Variants in PLXNA4 observed in about 807,000 individuals in gnomAD.
PLXNA4 encodes plexin-A4.
PLXNA4 carries 44 observed loss-of-function variants against 191.8 expected under a neutral mutation model. The observed-to-expected ratio is 0.23, with a 90% CI of 0.18 to 0.29. PLXNA4 has a LOEUF of 0.29. Ranked by LOEUF, PLXNA4 falls within the 10% of genes least tolerant of loss-of-function variation. The pLI is 1.00. For missense variants in PLXNA4, 1,800 were observed against 2,488.8 expected (o/e 0.72, Z 5.89); for synonymous variants, 1,082 against 1,009.5 (o/e 1.07, Z -1.36).
intron 2 of PLXNA4, among the ~76,000 whole-genome samples, chr7:132,591,670 CAT>C (rs2116827160): frequency 6.6e-6 from 1 of 152,248 alleles, no homozygotes; most frequent in South Asian, 2.1e-4. Flanking sequence ...TTCTTAAAAA[CAT>C]AACACATATA....
intron 1 of PLXNA4, among the ~76,000 whole-genome samples, chr7:132,557,819 C>G (rs1189162044): frequency 6.6e-6 from 1 of 152,148 alleles, no homozygotes; most frequent in African/African-American, 2.4e-5. Context: ...CAGGAAGCTA[C>G]TTCCCACTTC....
At chr7:132,480,467 G>A (rs1247409239) in intron 3 of PLXNA4, among the ~76,000 whole-genome samples, 3 of 152,198 alleles carry the variant, frequency 2.0e-5, no homozygotes, top group Non-Finnish European at 2.9e-5. Context: ...GACAGGGACC[G>A]TGGATAACCC....
At chr7:132,545,112 C>T (rs932045959) in intron 1 of PLXNA4, among the ~76,000 whole-genome samples, 5 of 152,184 alleles carry the variant, frequency 3.3e-5, no homozygotes, top group African/African-American at 1.2e-4. Flanking sequence ...TCCTCTCCGG[C>T]TTCAGACCTG....
intron 1 of PLXNA4, among the ~76,000 whole-genome samples, chr7:132,648,048 C>T (rs1585428747): frequency 1.3e-5 from 2 of 152,102 alleles, no homozygotes; most frequent in Admixed American, 6.5e-5. Context: ...CATATATATA[C>T]TCACATATAC....
chr7:132,130,721 G>T, intron 31 of PLXNA4, 147 bp from the exon 32 acceptor site: 1 of 1,187,062 alleles, frequency 8.4e-7, no homozygotes. Context: ...GGGGTAGGAG[G>T]AGACCTGGGG....
rs1186381463 is a variant in PLXNA4, at chr7:132,313,646, G to A, written c.1372-15424C>T. 5.3e-5 allele frequency among the ~76,000 whole-genome samples: 8 copies of A among 152,118 alleles called. No individual in the cohort carries two copies. The South Asian group carries it at 6.2e-4, about 12-fold the overall frequency. ...GAATGTCACTGGTGGGAGTGTGGCC[G>A]ATTGACTGTCTCATTGTTTTGGACA... On this transcript the variant is annotated intron_variant, in intron 3 of 31. Transcript: ENST00000321063.
intron 3 of PLXNA4, among the ~76,000 whole-genome samples, chr7:132,373,373 A>C (rs1804522507): frequency 6.6e-6 from 1 of 152,186 alleles, no homozygotes; most frequent in Non-Finnish European, 1.5e-5. Flanking sequence ...TCCAGGTCTT[A>C]GTGCCTCATG....
chr7:132,414,527 A>G (rs1051517102), intron 3 of PLXNA4, among the ~76,000 whole-genome samples: 1 of 152,054 alleles, frequency 6.6e-6, no homozygotes, highest in African/African-American at 2.4e-5. Flanking sequence ...GGGAGGGGAG[A>G]AAAAAATATC....
At chr7:132,157,216 T>C (rs183688392) in intron 25 of PLXNA4, among the ~76,000 whole-genome samples, 1 of 152,290 alleles carries the variant, frequency 6.6e-6, no homozygotes, top group Non-Finnish European at 1.5e-5. Flanking sequence ...CGGGTAGCCT[T>C]TCTCTGGCTT....
chr7:132,349,810 G>A (rs906493658), intron 3 of PLXNA4, among the ~76,000 whole-genome samples: 1 of 152,008 alleles, frequency 6.6e-6, no homozygotes, highest in Non-Finnish European at 1.5e-5. Context: ...TCCAATTTCT[G>A]TATCTTGCCA....
chr7:132,363,191 G>T (rs564463669), intron 3 of PLXNA4, among the ~76,000 whole-genome samples: 1 of 152,174 alleles, frequency 6.6e-6, no homozygotes, highest in East Asian at 1.9e-4. Flanking sequence ...CATCATGTTG[G>T]CCAGGCTGGT....
At chr7:132,580,886 C>T (rs1258130853), upstream of PLXNA4, among the ~76,000 whole-genome samples, 1 of 152,168 alleles carries the variant, frequency 6.6e-6, no homozygotes, top group Non-Finnish European at 1.5e-5. Context: ...GCTTAAAAAC[C>T]TAAATTGTGG....
At position 132,303,696 on chromosome 7, in the gene PLXNA4, C is replaced by T. The variant is rs80014047; in HGVS notation, c.1372-5474G>A. 5.3e-4 allele frequency among the ~76,000 whole-genome samples: 80 copies of T among 152,300 alleles called. No homozygotes were observed. In the Middle Eastern group the frequency reaches 0.01, roughly 19 times the overall value. ...CAATCCTGTGTGTCCCTTGACGGAG[C>T]GACACATCCCACACCCACCATGTGT... is the stretch of plus-strand genomic sequence containing the variant. On this transcript the variant is annotated intron_variant, in intron 3 of 31. Coordinates refer to ENST00000321063, the MANE Select transcript of PLXNA4 (RefSeq NM_020911.2).
chr7:132,310,906 C>T (rs1018438276), intron 3 of PLXNA4, among the ~76,000 whole-genome samples: 3 of 152,174 alleles, frequency 2.0e-5, no homozygotes, highest in Non-Finnish European at 2.9e-5. Flanking sequence ...GGCAGAGGTG[C>T]AACTTCCCAG....
chr7:132,473,157 G>C (rs1381567722), intron 3 of PLXNA4, among the ~76,000 whole-genome samples: 1 of 152,220 alleles, frequency 6.6e-6, no homozygotes, highest in African/African-American at 2.4e-5. Context: ...CTCTTGCAGT[G>C]AGTCAGTGGC....
chr7:132,219,335 C>G, intron 9 of PLXNA4, among the ~76,000 whole-genome samples: 1 of 152,168 alleles, frequency 6.6e-6, no homozygotes, highest in East Asian at 1.9e-4. Context: ...TAATCGCCAG[C>G]CCCCCTGACC....
intron 3 of PLXNA4, among the ~76,000 whole-genome samples, chr7:132,331,565 G>A (rs1044580753): frequency 1.3e-5 from 2 of 152,226 alleles, no homozygotes; most frequent in African/African-American, 4.8e-5. Context: ...GTGGTTATAG[G>A]GAGTGGTCAG....
chr7:132,487,360 C>T (rs1201222903), intron 3 of PLXNA4, among the ~76,000 whole-genome samples: 1 of 152,184 alleles, frequency 6.6e-6, no homozygotes, highest in Non-Finnish European at 1.5e-5. Context: ...AAGCATCCCC[C>T]ATACTGCTTG....
chr7:132,397,967 A>T (rs561477132), intron 3 of PLXNA4, among the ~76,000 whole-genome samples: 2 of 152,146 alleles, frequency 1.3e-5, no homozygotes. Context: ...AGGCTTTGCC[A>T]TCTCACTATG....
Sources: gnomAD v4.1 joint callset for allele counts (sites outside exome capture counted in the v4.1 genomes callset) on GRCh38, gnomAD v4.1.1 for gene constraint, MANE v1.5 for transcripts, NCBI Gene and HGNC (gene_info 2026-07-23, HGNC 2026-07-21) for gene names.